Variants in PREPL observed in about 807,000 individuals in gnomAD.
The protein encoded by PREPL is prolyl endopeptidase like.
Under a neutral mutation model 70.6 loss-of-function variants are expected in PREPL, and 77 were observed. The observed-to-expected ratio is 1.09, with a 90% CI of 0.91 to 1.32. PREPL has a LOEUF of 1.32. Among genes scored for constraint, PREPL ranks in the 40% most tolerant of loss-of-function variants. The probability of loss-of-function intolerance (pLI) is 0.00; values close to 1 mark genes in which losing one functional copy is unlikely to be tolerated. For synonymous variants in PREPL, 315 were observed against 264.8 expected (o/e 1.19, Z -1.84); for missense variants, 1,002 against 778.2 (o/e 1.29, Z -3.42).
Position 44,343,889 on chromosome 2 carries a change from T to C in PREPL, c.205A>G (p.Ile69Val). 3.7e-6 allele frequency: 6 copies of C among 1,614,094 alleles called. No homozygotes were observed. The highest frequency in any genetic ancestry group is 5.1e-6 in the Non-Finnish European group (6 of 1,179,962). ...LEELKLDQPFIDCIRVAPDEK... is the reference protein window; with the variant it reads ...LEELKLDQPFVDCIRVAPDEK... ...TCTGGAGCAACTCTGATACAATCAA[T>C]GAAGGGCTGGTCTAACTTAAGTTCC... Residue 69 changes from isoleucine (I) to valine (V), a missense_variant, in exon 4 of 14, where the codon ATT (isoleucine) becomes GTT (valine). Ile to Val is a conservative substitution (Grantham distance 29). Transcript: ENST00000409411.
chr2:44,352,814 T>C (rs373066667), intron 1 of PREPL, among the ~76,000 whole-genome samples: 2 of 151,950 alleles, frequency 1.3e-5, no homozygotes, highest in Middle Eastern at 3.2e-3. Context: ...GGAGAAGATA[T>C]CTACAGCACA....
intron 7 of PREPL, among the ~76,000 whole-genome samples, chr2:44,333,392 G>C (rs574996426): frequency 6.6e-6 from 1 of 152,248 alleles, no homozygotes; most frequent in African/African-American, 2.4e-5. Flanking sequence ...CTGGTAAGCA[G>C]GTTGACAGAG....
chr2:44,356,882 GC>G (rs1677105474), intron 1 of PREPL, among the ~76,000 whole-genome samples: 1 of 140,632 alleles, frequency 7.1e-6, no homozygotes, highest in Non-Finnish European at 1.6e-5. Context: ...CAACCTCACT[GC>G]AGCCTCGACC....
At chr2:44,347,051 C>T (rs998200513) in intron 1 of PREPL, among the ~76,000 whole-genome samples, 7 of 152,062 alleles carry the variant, frequency 4.6e-5, no homozygotes, top group Admixed American at 1.3e-4. Context: ...AGTAAACTGG[C>T]GAGGCGCAGT....
chr2:44,320,278 A>G lies in PREPL; in HGVS notation c.*1078T>C. On this transcript the variant is annotated 3_prime_UTR_variant, in exon 14 of 14. Coordinates refer to ENST00000409411, the MANE Select transcript of PREPL (RefSeq NM_001171613.2). ...CTTCATGCCAATGAGCTACTCCTCAACAGGGGCTGGTTTTGCCATTTGAGG... is the reference window on the plus strand; with the variant it reads ...CTTCATGCCAATGAGCTACTCCTCAGCAGGGGCTGGTTTTGCCATTTGAGG... The G allele has an allele frequency of 6.2e-7, 1 of 1,614,104 alleles. No individual in the cohort carries two copies. Among genetic ancestry groups the G allele is most frequent in the Non-Finnish European group, 8.5e-7 (1 of 1,179,960 alleles).
Position 44,318,162 on chromosome 2 carries a change from C to T in PREPL, c.*3194G>A, listed in dbSNP as rs1486122158. On this transcript the variant is annotated 3_prime_UTR_variant, in exon 14 of 14. Transcript: ENST00000409411. ...CTCGAGTGCAGTGGCGTGATCTCGG[C>T]ACACTGCAGCCTCTGCTTCCTGGGT... is the stretch of plus-strand genomic sequence containing the variant. 1.4e-5 allele frequency: 6 copies of T among 436,116 alleles called. No homozygotes were observed. Among genetic ancestry groups the T allele is most frequent in the Non-Finnish European group, 2.8e-5 (6 of 218,024 alleles). 27.0% of individuals were successfully genotyped at this position (436,116 alleles called of 1,614,324 possible).
In PREPL at chr2:44,323,433, T is replaced by C. The variant is rs771693610; in HGVS notation, c.1480-22A>G. On this transcript the variant is annotated intron_variant, in intron 10 of 13. Transcript: ENST00000409411. Reference sequence around the variant, plus strand: ...GTGCCTAAAAAAAAGGCAAAGAAACTTATACTTCAAGTAAGAGGTTGGTAA... The same window carrying C: ...GTGCCTAAAAAAAAGGCAAAGAAACCTATACTTCAAGTAAGAGGTTGGTAA... 20 of 1,555,680 alleles carry C rather than the reference T, an allele frequency of 1.3e-5. No individual in the cohort carries two copies. The highest frequency in any genetic ancestry group is 1.7e-5 in the Non-Finnish European group (20 of 1,147,010).
At position 44,320,218 on chromosome 2, in the gene PREPL, G is replaced by A; in HGVS notation, c.*1138C>T. ...AAATAGGTCCAAAAGACTCAGCCCA[G>A]ATCGGCTTTGAAGTTATATCAAGAT... On this transcript the variant is annotated 3_prime_UTR_variant, in exon 14 of 14. Transcript: ENST00000409411. The A allele has an allele frequency of 6.2e-7, 1 of 1,613,822 alleles. No homozygotes were observed. Among genetic ancestry groups the A allele is most frequent in the Non-Finnish European group, 8.5e-7 (1 of 1,179,786 alleles).
Position 44,332,114 on chromosome 2 carries a change from T to C in PREPL, c.1086+345A>G, listed in dbSNP as rs373961173. On this transcript the variant is annotated intron_variant, in intron 8 of 13. Transcript: ENST00000409411. ...GGCGCCCGCCACCATGCCCAGCTAA[T>C]TTTGTGTATTTTTAGTAGAGATGGG... is the stretch of plus-strand genomic sequence containing the variant. Among the ~76,000 whole-genome samples the C allele has an allele frequency of 6.6e-5, 10 of 151,870 alleles. No individual in the cohort carries two copies. In the East Asian group the frequency reaches 1.5e-3, roughly 24 times the overall value.
rs559666136 is a variant in PREPL, at chr2:44,324,157, C to T, written c.1480-746G>A. Reference sequence around the variant, plus strand: ...TATGGATGAACCTCAAGGATATAATCTAAGTGAAATAAGCCAGTCACAAAA... The same window carrying T: ...TATGGATGAACCTCAAGGATATAATTTAAGTGAAATAAGCCAGTCACAAAA... On this transcript the variant is annotated intron_variant, in intron 10 of 13. Coordinates refer to ENST00000409411, the MANE Select transcript of PREPL (RefSeq NM_001171613.2). 1.2e-4 allele frequency among the ~76,000 whole-genome samples: 18 copies of T among 152,278 alleles called. No individual in the cohort carries two copies. The South Asian group carries it at 3.7e-3, about 32-fold the overall frequency.
chr2:44,325,199 T>C (rs766611055), intron 10 of PREPL, among the ~76,000 whole-genome samples: 3 of 152,226 alleles, frequency 2.0e-5, no homozygotes, highest in Non-Finnish European at 4.4e-5. Context: ...GTGTGACCCA[T>C]GTGTGACTTG....
chr2:44,340,344 G>T lies in PREPL; in HGVS notation c.486-981C>A, dbSNP rs140956497. 3.5e-3 allele frequency among the ~76,000 whole-genome samples: 527 copies of T among 152,080 alleles called. 2 individuals are homozygous for T. The highest frequency in any genetic ancestry group is 0.012 in the African/African-American group (489 of 41,510). ...AATAAGTGTATTTTTATGACTTGAT[G>T]AATATAATCAAATAATATCCTAGAA... On this transcript the variant is annotated intron_variant, in intron 5 of 13. Transcript: ENST00000409411.
Position 44,346,291 on chromosome 2 carries a change from C to T in PREPL, c.52G>A (p.Glu18Lys). The T allele has an allele frequency of 6.2e-7, 1 of 1,612,068 alleles. No homozygotes were observed. Among genetic ancestry groups the T allele is most frequent in the Admixed American group, 1.7e-5 (1 of 59,908 alleles). ...RTKLETQPQE[E>K]YEIINVEVKH... ...ACTTCCACATTGATGATTTCATATT[C>T]TTCTTGTGGCTGTGTTTCTAATTTT... Residue 18 changes from glutamate to lysine, a missense_variant, in exon 2 of 14, where the codon GAA (glutamate) becomes AAA (lysine). Physicochemically the swap from Glu to Lys is moderately conservative, Grantham distance 56. Coordinates refer to ENST00000409411, the MANE Select transcript of PREPL (RefSeq NM_001171613.2).
intron 6 of PREPL, 37 bp downstream of exon 6, chr2:44,339,110 A>G (rs1267866094): frequency 6.2e-7 from 1 of 1,608,880 alleles, no homozygotes; most frequent in Non-Finnish European, 8.5e-7. Flanking sequence ...GACACTTCTT[A>G]ACAGCCCAAA....
intron 12 of PREPL, 76 bp from the exon 13 acceptor site, chr2:44,321,976 C>T (rs1673006779): frequency 2.5e-5 from 35 of 1,421,702 alleles, no homozygotes; most frequent in Non-Finnish European, 3.1e-5. Flanking sequence ...CATTCCTCCC[C>T]TCTTCTTTGA....
intron 1 of PREPL, among the ~76,000 whole-genome samples, chr2:44,351,107 G>A (rs900094713): frequency 1.1e-5 from 1 of 93,268 alleles, no homozygotes; most frequent in Non-Finnish European, 2.3e-5. Flanking sequence ...TTTTTTTTTT[G>A]TATTTTTAGT....
chr2:44,353,936 G>A (rs1676728992), intron 1 of PREPL, among the ~76,000 whole-genome samples: 1 of 152,164 alleles, frequency 6.6e-6, no homozygotes, highest in Non-Finnish European at 1.5e-5. Flanking sequence ...TGAGGCAGGA[G>A]GATTACTTGA....
intron 4 of PREPL, 100 bp from the exon 5 acceptor site, chr2:44,342,652 A>G: frequency 1.1e-6 from 1 of 941,562 alleles, no homozygotes; most frequent in Non-Finnish European, 1.6e-6. Context: ...CAGTGAGAAC[A>G]TGTGCAAGTT....
chr2:44,331,823 T>C (rs941837357), intron 8 of PREPL, among the ~76,000 whole-genome samples: 2 of 152,212 alleles, frequency 1.3e-5, no homozygotes, highest in South Asian at 2.1e-4. Flanking sequence ...TCTAGTCAAC[T>C]ACCACCTTCA....
Sources: allele counts gnomAD v4.1 joint callset (sites outside exome capture counted in the v4.1 genomes callset), GRCh38; gene constraint gnomAD v4.1.1; transcripts MANE v1.5; gene names NCBI Gene and HGNC (gene_info 2026-07-23, HGNC 2026-07-21).